The following TMEM131L variants were observed in gnomAD, a reference collection of about 807,000 sequenced individuals.
The protein encoded by TMEM131L is transmembrane 131 like.
A neutral mutation model predicts 192.2 loss-of-function variants in TMEM131L; 54 were observed. That is an observed-to-expected ratio of 0.28 (90% CI 0.23 to 0.35). The LOEUF (loss-of-function observed/expected upper bound fraction) is 0.35. TMEM131L is among the 10% of genes least tolerant of loss of function. The probability of loss-of-function intolerance (pLI) is 1.00; values close to 1 mark genes in which losing one functional copy is unlikely to be tolerated. For missense variants in TMEM131L, 1,888 were observed against 1,972.9 expected (o/e 0.96, Z 0.82); for synonymous variants, 701 against 704.9 (o/e 0.99, Z 0.09).
intron 3 of TMEM131L, among the ~76,000 whole-genome samples, chr4:153,484,499 C>T (rs899530576): frequency 1.6e-4 from 24 of 150,410 alleles, no homozygotes; most frequent in Admixed American, 6.6e-4. Context: ...GACAGAGTCT[C>T]GCTCTGCCAC....
At chr4:153,478,793 G>T (rs957671425) in intron 3 of TMEM131L, among the ~76,000 whole-genome samples, 1 of 152,090 alleles carries the variant, frequency 6.6e-6, no homozygotes, top group Admixed American at 6.6e-5. Context: ...TCTTATTTAT[G>T]AAGTTATTAA....
In TMEM131L at chr4:153,583,778, G is replaced by T. The variant is rs796495755; in HGVS notation, c.1060+106G>T. The T allele has an allele frequency of 2.7e-5, 18 of 675,682 alleles. No homozygotes were observed. The African/African-American group carries it at 3.3e-4, about 12-fold the overall frequency. 41.9% of individuals were successfully genotyped at this position (675,682 alleles called of 1,614,324 possible). ...AGGCATGGTTTCAAAAAAGTGAAGG[G>T]AATGCGTTTGATTTCAAGAAGTCCC... On this transcript the variant is annotated intron_variant, in intron 11 of 34. Transcript: ENST00000409959.
intron 6 of TMEM131L, among the ~76,000 whole-genome samples, chr4:153,557,531 C>G (rs1728555479): frequency 6.6e-6 from 1 of 152,068 alleles, no homozygotes; most frequent in African/African-American, 2.4e-5. Flanking sequence ...CAAGGGAGCT[C>G]ACTATTCATA....
chr4:153,500,067 C>T (rs927250183), intron 3 of TMEM131L, among the ~76,000 whole-genome samples: 2 of 151,952 alleles, frequency 1.3e-5, no homozygotes, highest in African/African-American at 2.4e-5. Context: ...CGTTCCCTTC[C>T]GTTCCCTTCC....
chr4:153,635,543 G>C lies in TMEM131L; in HGVS notation c.4529G>C (p.Trp1510Ser). The part of the protein sequence containing the change: ...WNTPPNMPAA[W>S]GHASFISSPP... Reference sequence around the variant, plus strand: ...ACCCCACCCAACATGCCTGCTGCCTGGGGACATGCCAGTTTCATCAGCTCT... The same window carrying C: ...ACCCCACCCAACATGCCTGCTGCCTCGGGACATGCCAGTTTCATCAGCTCT... Residue 1510 changes from tryptophan to serine, a missense_variant, in exon 34 of 35, where the codon TGG (tryptophan) becomes TCG (serine). Coordinates refer to ENST00000409959, the MANE Select transcript of TMEM131L (RefSeq NM_001131007.2). 2 of 1,614,150 alleles carry C rather than the reference G, an allele frequency of 1.2e-6. No homozygotes were observed. The highest frequency in any genetic ancestry group is 1.7e-6 in the Non-Finnish European group (2 of 1,180,026).
chr4:153,467,117 G>T, intron 1 of TMEM131L, 94 bp from the exon 2 acceptor site: 1 of 1,224,256 alleles, frequency 8.2e-7, no homozygotes, highest in Non-Finnish European at 1.2e-6. Context: ...ACGTGTTTTG[G>T]TGAGGCGGGG....
chr4:153,488,266 A>C (rs1353483102), intron 3 of TMEM131L, among the ~76,000 whole-genome samples: 1 of 152,144 alleles, frequency 6.6e-6, no homozygotes, highest in Non-Finnish European at 1.5e-5. Context: ...ATGAGGAAGG[A>C]TATTACTTAA....
intron 7 of TMEM131L, among the ~76,000 whole-genome samples, chr4:153,565,771 C>A (rs1254706336): frequency 6.6e-6 from 1 of 152,136 alleles, no homozygotes; most frequent in East Asian, 1.9e-4. Flanking sequence ...TTAAGTAGTT[C>A]TTTGAATTAT....
At chr4:153,514,482 T>C (rs1333274923) in intron 3 of TMEM131L, among the ~76,000 whole-genome samples, 1 of 152,230 alleles carries the variant, frequency 6.6e-6, no homozygotes, top group Non-Finnish European at 1.5e-5. Flanking sequence ...ACTTCTATTA[T>C]AAAAGTTACA....
chr4:153,511,203 T>A (rs1306606494), intron 3 of TMEM131L, among the ~76,000 whole-genome samples: 3 of 152,226 alleles, frequency 2.0e-5, no homozygotes, highest in Non-Finnish European at 4.4e-5. Context: ...GTAGCACTAT[T>A]CACAGTAGCA....
intron 3 of TMEM131L, among the ~76,000 whole-genome samples, chr4:153,539,939 C>T (rs1296883090): frequency 6.6e-6 from 1 of 151,852 alleles, no homozygotes; most frequent in Non-Finnish European, 1.5e-5. Flanking sequence ...GGAGAAACCC[C>T]GTCTCTACTA....
At chr4:153,601,223 A>G (rs1225971867) in intron 21 of TMEM131L, among the ~76,000 whole-genome samples, 1 of 152,202 alleles carries the variant, frequency 6.6e-6, no homozygotes, top group Non-Finnish European at 1.5e-5. Flanking sequence ...GATAGAATTA[A>G]GAAGTAATAT....
intron 3 of TMEM131L, among the ~76,000 whole-genome samples, chr4:153,487,717 T>TGTGTGA (rs1554020501): frequency 6.9e-6 from 1 of 145,386 alleles, no homozygotes; most frequent in Non-Finnish European, 1.5e-5. Flanking sequence ...TGTGTGTGTG[T>TGTGTGA]GTGAGAGAGA....
At chr4:153,566,518 A>AGT (rs35949558) in intron 7 of TMEM131L, among the ~76,000 whole-genome samples, 60,609 of 145,666 alleles carry the variant, frequency 0.42, 13,254 homozygotes, top group Admixed American at 0.51. Context: ...TGTGAGTGTG[A>AGT]GTGTGTGTGT....
At chr4:153,634,354 A>G in intron 33 of TMEM131L, 74 bp downstream of exon 33, 1 of 1,212,224 alleles carries the variant, frequency 8.2e-7, no homozygotes, top group South Asian at 1.2e-5. Flanking sequence ...GTGTGGACTA[A>G]GAAGAATCCT....
intron 26 of TMEM131L, among the ~76,000 whole-genome samples, chr4:153,620,114 G>A (rs759499088): frequency 6.6e-6 from 1 of 152,202 alleles, no homozygotes. Flanking sequence ...TCCCTCTCCC[G>A]TTGGGTCTGT....
chr4:153,509,776 T>G (rs1243593539), intron 3 of TMEM131L, among the ~76,000 whole-genome samples: 1 of 152,220 alleles, frequency 6.6e-6, no homozygotes, highest in East Asian at 1.9e-4. Context: ...TTCTTAACCC[T>G]GACCCACACT....
At chr4:153,528,058 G>T (rs890372374) in intron 3 of TMEM131L, among the ~76,000 whole-genome samples, 2 of 152,156 alleles carry the variant, frequency 1.3e-5, no homozygotes, top group African/African-American at 4.8e-5. Flanking sequence ...CTGCGGAAAG[G>T]CATTGCCTGC....
chr4:153,553,950 T>A (rs376706249), intron 4 of TMEM131L, among the ~76,000 whole-genome samples: 1 of 152,244 alleles, frequency 6.6e-6, no homozygotes, highest in East Asian at 1.9e-4. Flanking sequence ...AGGCTTCAGC[T>A]GGCATTCTCT....
Sources: allele counts gnomAD v4.1 joint callset (sites outside exome capture counted in the v4.1 genomes callset), GRCh38; gene constraint gnomAD v4.1.1; transcripts MANE v1.5; gene names NCBI Gene and HGNC (gene_info 2026-07-23, HGNC 2026-07-21).